The following ZMAT4 variants were observed in gnomAD, a reference collection of about 807,000 sequenced individuals.
ZMAT4 encodes zinc finger matrin-type protein 4.
Under a neutral mutation model 28.7 loss-of-function variants are expected in ZMAT4, and 17 were observed. The ratio of observed to expected loss-of-function variants is 0.59; its 90% CI spans 0.41 to 0.89. The LOEUF is 0.89. Ranked by LOEUF, ZMAT4 falls within the 40% of genes least tolerant of loss-of-function variation. The probability of loss-of-function intolerance (pLI) is 0.00; values close to 1 mark genes in which losing one functional copy is unlikely to be tolerated. For missense variants in ZMAT4, 240 were observed against 283.8 expected (o/e 0.85, Z 1.11); for synonymous variants, 117 against 109.2 (o/e 1.07, Z -0.44).
chr8:40,694,020 G>A (rs978295820), intron 4 of ZMAT4, among the ~76,000 whole-genome samples: 1 of 152,162 alleles, frequency 6.6e-6, no homozygotes, highest in African/African-American at 2.4e-5. Context: ...GAGCAAAATT[G>A]TTTCTCTTAC....
intron 2 of ZMAT4, among the ~76,000 whole-genome samples, chr8:40,798,060 G>T (rs907783001): frequency 6.6e-6 from 1 of 152,204 alleles, no homozygotes; most frequent in African/African-American, 2.4e-5. Context: ...CCTAGCAGGG[G>T]AAGCAAGAGG....
At chr8:40,660,027 C>A (rs934219901) in intron 5 of ZMAT4, among the ~76,000 whole-genome samples, 1 of 152,122 alleles carries the variant, frequency 6.6e-6, no homozygotes, top group Non-Finnish European at 1.5e-5. Context: ...AACAGTTTGC[C>A]AGCGGGTATC....
chr8:40,681,298 C>T (rs968749303), intron 4 of ZMAT4, among the ~76,000 whole-genome samples: 1 of 152,206 alleles, frequency 6.6e-6, no homozygotes, highest in Admixed American at 6.5e-5. Context: ...AACATCTGCT[C>T]CCAGTGGGGA....
intron 6 of ZMAT4, among the ~76,000 whole-genome samples, chr8:40,545,894 T>C (rs977643026): frequency 6.6e-5 from 10 of 151,420 alleles, no homozygotes; most frequent in Non-Finnish European, 1.5e-4. Flanking sequence ...CAAGGAACAA[T>C]TTGCTCTAAT....
chr8:40,634,022 T>G (rs1806697788), intron 5 of ZMAT4, among the ~76,000 whole-genome samples: 1 of 152,198 alleles, frequency 6.6e-6, no homozygotes, highest in African/African-American at 2.4e-5. Context: ...GGACCTCCCC[T>G]GGACCCTGAG....
intron 4 of ZMAT4, among the ~76,000 whole-genome samples, chr8:40,682,266 C>A (rs1182690554): frequency 2.6e-5 from 4 of 152,148 alleles, no homozygotes; most frequent in Non-Finnish European, 5.9e-5. Context: ...CTTGTGGTGC[C>A]ACAACCCAGT....
chr8:40,827,216 C>T (rs887695211), intron 1 of ZMAT4, among the ~76,000 whole-genome samples: 7 of 152,090 alleles, frequency 4.6e-5, no homozygotes, highest in African/African-American at 1.7e-4. Context: ...CTCAGTTTCC[C>T]CCATATAAAA....
At chr8:40,896,063 C>G (rs1014270391) in intron 1 of ZMAT4, among the ~76,000 whole-genome samples, 1 of 138,666 alleles carries the variant, frequency 7.2e-6, no homozygotes, top group Admixed American at 7.9e-5. Context: ...TATTTTGACA[C>G]CCCCCCCAAA....
chr8:40,674,504 C>T, intron 5 of ZMAT4, 200 bp downstream of exon 5: 1 of 551,328 alleles, frequency 1.8e-6, no homozygotes, highest in Non-Finnish European at 3.2e-6. Context: ...TGAAAATAAA[C>T]ACTTTGAAAC....
At chr8:40,876,794 T>C (rs548235271) in intron 1 of ZMAT4, among the ~76,000 whole-genome samples, 2 of 152,364 alleles carry the variant, frequency 1.3e-5, no homozygotes, top group Non-Finnish European at 2.9e-5. Context: ...AATTTATTCA[T>C]GTATTTTCGA....
intron 5 of ZMAT4, among the ~76,000 whole-genome samples, chr8:40,597,688 T>C (rs76045331): frequency 3.0e-4 from 46 of 152,340 alleles, no homozygotes; most frequent in African/African-American, 1.0e-3. Context: ...TGTCTTTTGG[T>C]AACTCATATC....
rs558536643 is a variant in ZMAT4 at position 40,723,409 on chromosome 8, G to A, written c.193-26008C>T. Reference sequence around the variant, plus strand: ...AATACAAAAATTAGCTCGGCATGGTGGCAGGCACCTGTAATCCCAGCTGCT... The same window carrying A: ...AATACAAAAATTAGCTCGGCATGGTAGCAGGCACCTGTAATCCCAGCTGCT... On this transcript the variant is annotated intron_variant, in intron 3 of 6. Transcript: ENST00000297737. 2.0e-4 allele frequency among the ~76,000 whole-genome samples: 31 copies of A among 152,012 alleles called. No homozygotes were observed. In the East Asian group the frequency reaches 5.8e-3, roughly 29 times the overall value.
intron 5 of ZMAT4, among the ~76,000 whole-genome samples, chr8:40,595,306 A>T (rs1805053057): frequency 6.6e-6 from 1 of 152,140 alleles, no homozygotes; most frequent in Non-Finnish European, 1.5e-5. Flanking sequence ...GATGCACCCA[A>T]ATAGAAAAAG....
chr8:40,896,854 A>G (rs1416686181), intron 1 of ZMAT4, among the ~76,000 whole-genome samples: 2 of 152,014 alleles, frequency 1.3e-5, no homozygotes, highest in African/African-American at 4.8e-5. Flanking sequence ...CACCCCCTCC[A>G]CCAGCCTCCA....
At chr8:40,835,051 A>T (rs1423044065) in intron 1 of ZMAT4, among the ~76,000 whole-genome samples, 1 of 152,166 alleles carries the variant, frequency 6.6e-6, no homozygotes, top group Non-Finnish European at 1.5e-5. Flanking sequence ...TAGAACACTA[A>T]TGGATAAACT....
intron 2 of ZMAT4, among the ~76,000 whole-genome samples, chr8:40,810,485 G>A (rs142675308): frequency 2.6e-5 from 4 of 152,152 alleles, no homozygotes; most frequent in African/African-American, 9.7e-5. Flanking sequence ...AGGAAAGAAC[G>A]AATTGTAAAT....
At chr8:40,561,154 A>G (rs1249352120) in intron 6 of ZMAT4, among the ~76,000 whole-genome samples, 1 of 152,156 alleles carries the variant, frequency 6.6e-6, no homozygotes, top group Non-Finnish European at 1.5e-5. Context: ...ATTCAGTGTC[A>G]TTTGTTAATA....
At chr8:40,818,080 C>T (rs1322188453) in intron 2 of ZMAT4, among the ~76,000 whole-genome samples, 1 of 152,172 alleles carries the variant, frequency 6.6e-6, no homozygotes, top group Admixed American at 6.5e-5. Context: ...GAGCATGAAG[C>T]ACATCATCTA....
rs541993243 is a variant in ZMAT4, at chr8:40,626,568, G to A, written c.578-45307C>T. 2.0e-5 allele frequency among the ~76,000 whole-genome samples: 3 copies of A among 152,210 alleles called. No individual in the cohort carries two copies. In the South Asian group the frequency reaches 6.2e-4, roughly 31 times the overall value. On this transcript the variant is annotated intron_variant, in intron 5 of 6. Coordinates refer to ENST00000297737, the MANE Select transcript of ZMAT4 (RefSeq NM_024645.3). ...CCTGTCTCACCTGCCTCCATGCCAT[G>A]GTCAGCAAACACGCACGATGTCTGG...
Sources: gnomAD v4.1 joint callset for allele counts (sites outside exome capture counted in the v4.1 genomes callset) on GRCh38, gnomAD v4.1.1 for gene constraint, MANE v1.5 for transcripts, NCBI Gene and HGNC (gene_info 2026-07-23, HGNC 2026-07-21) for gene names.